Variants in LMNB2 observed in about 807,000 individuals in gnomAD.
LMNB2 encodes the protein lamin B2, also known as lamin-B2.
In LMNB2, 17 loss-of-function variants were observed where a neutral mutation model predicts 69.3. That is an observed-to-expected ratio of 0.25 (90% CI 0.17 to 0.37). LMNB2 has a LOEUF of 0.37. Ranked by LOEUF, LMNB2 falls within the 10% of genes least tolerant of loss-of-function variation. The pLI is 1.00. For missense variants in LMNB2, 789 were observed against 883.6 expected (o/e 0.89, Z 1.36); for synonymous variants, 397 against 389.3 (o/e 1.02, Z -0.23).
At chr19:2,449,701 C>T (rs1362845912) in intron 1 of LMNB2, among the ~76,000 whole-genome samples, 2 of 151,502 alleles carry the variant, frequency 1.3e-5, no homozygotes, top group South Asian at 2.1e-4. Flanking sequence ...CACTTGAACC[C>T]GGGAGGCAGA....
rs545711002 is a variant in LMNB2 at position 2,431,376 on chromosome 19, A to C, written c.1821+172T>G. On this transcript the variant is annotated intron_variant, in intron 11 of 11. Coordinates refer to ENST00000325327, the MANE Select transcript of LMNB2 (RefSeq NM_032737.4). ...CACGATGGGCACGACCCAGGAGGCA[A>C]GAACAGGTCTCTGCCGTGCTGGTAA... is the stretch of plus-strand genomic sequence containing the variant. Among the ~76,000 whole-genome samples the C allele has an allele frequency of 2.4e-4, 36 of 152,306 alleles. 1 individual carries two copies. In the South Asian group the frequency reaches 6.8e-3, roughly 29 times the overall value.
At chr19:2,455,861 TC>T (rs1343469552) in intron 1 of LMNB2, among the ~76,000 whole-genome samples, 3 of 149,914 alleles carry the variant, frequency 2.0e-5, no homozygotes, top group South Asian at 2.1e-4. Flanking sequence ...CTGCTCAGGG[TC>T]CCCCGTGATC....
At chr19:2,444,930 C>T (rs1971938201) in intron 1 of LMNB2, among the ~76,000 whole-genome samples, 1 of 152,242 alleles carries the variant, frequency 6.6e-6, no homozygotes, top group African/African-American at 2.4e-5. Context: ...TGTCCCCTTC[C>T]CCGGAGGACC....
intron 1 of LMNB2, 146 bp downstream of exon 1, chr19:2,456,524 G>A: frequency 1.2e-6 from 1 of 818,604 alleles, no homozygotes; most frequent in Non-Finnish European, 1.7e-6. Context: ...CCTCACTCAG[G>A]GGCCCCCCGA....
intron 4 of LMNB2, among the ~76,000 whole-genome samples, chr19:2,437,361 G>T (rs1000819232): frequency 1.3e-5 from 2 of 152,270 alleles, no homozygotes; most frequent in African/African-American, 4.8e-5. Context: ...GTGGGAGGCT[G>T]GACGGTGGCA....
intron 11 of LMNB2, 33 bp from the exon 12 acceptor site, chr19:2,430,985 A>G (rs1472638457): frequency 6.4e-7 from 1 of 1,552,054 alleles, no homozygotes; most frequent in South Asian, 1.1e-5. Flanking sequence ...GTCGGCCATG[A>G]TCAGGGCCAG....
chr19:2,431,697 G>A (rs1971742405), intron 10 of LMNB2, 39 bp from the exon 11 acceptor site: 2 of 1,613,906 alleles, frequency 1.2e-6, no homozygotes, highest in Non-Finnish European at 1.7e-6. Flanking sequence ...CCCGGGATCG[G>A]GCCCAGAGCT....
chr19:2,449,009 T>C (rs774413172), intron 1 of LMNB2, among the ~76,000 whole-genome samples: 7 of 152,188 alleles, frequency 4.6e-5, no homozygotes, highest in Non-Finnish European at 7.3e-5. Context: ...CTGTCTCAGC[T>C]GCCCCAATAG....
intron 6 of LMNB2, 29 bp downstream of exon 6, chr19:2,434,759 A>G: frequency 6.3e-7 from 1 of 1,586,622 alleles, no homozygotes; most frequent in Non-Finnish European, 8.6e-7. Flanking sequence ...GGCCAGGGGG[A>G]CGGCAGACGG....
chr19:2,434,859 G>T lies in LMNB2; in HGVS notation c.910C>A (p.Arg304Ser), dbSNP rs140495297. 2.5e-6 allele frequency: 4 copies of T among 1,608,096 alleles called. No individual in the cohort carries two copies. ...ATGCGGGCCTCCTTCAGCTCCTCGC[G>T]AGCCGCACTGGCCGCCTTGTCGTTC... The part of the protein sequence containing the change: ...DQNDKAASAA[R>S]EELKEARMRL... The change falls in exon 6 of 12, where the codon CGC becomes AGC. Residue 304 changes from arginine (R) to serine (S), a missense_variant. Physicochemically the swap from Arg to Ser is moderately radical, Grantham distance 110. This residue lies in a region of LMNB2 where 609 missense variants were observed against 630.9 expected (regional missense o/e 0.97). Coordinates refer to ENST00000325327, the MANE Select transcript of LMNB2 (RefSeq NM_032737.4).
At chr19:2,441,263 C>G (rs913960197) in intron 2 of LMNB2, among the ~76,000 whole-genome samples, 5 of 152,272 alleles carry the variant, frequency 3.3e-5, no homozygotes, top group Non-Finnish European at 5.9e-5. Context: ...CGGTTGTGTC[C>G]CGCCAGGGCA....
intron 2 of LMNB2, among the ~76,000 whole-genome samples, chr19:2,440,148 A>G (rs1214048882): frequency 1.3e-5 from 2 of 151,466 alleles, no homozygotes; most frequent in East Asian, 2.0e-4. Flanking sequence ...GTATTTATCT[A>G]TATAATCTAT....
intron 1 of LMNB2, among the ~76,000 whole-genome samples, chr19:2,455,829 C>G (rs1024434567): frequency 6.6e-6 from 1 of 151,406 alleles, no homozygotes; most frequent in Non-Finnish European, 1.5e-5. Flanking sequence ...TGGAGATCCC[C>G]GAGGCCAGGC....
At chr19:2,433,164 C>T (rs1599330752) in intron 8 of LMNB2, among the ~76,000 whole-genome samples, 2 of 113,636 alleles carry the variant, frequency 1.8e-5, no homozygotes, top group Admixed American at 8.5e-5. Context: ...TGGGTCACCC[C>T]GTTACCCCCA....
At chr19:2,440,472 G>C (rs1159604347) in intron 2 of LMNB2, among the ~76,000 whole-genome samples, 1 of 152,184 alleles carries the variant, frequency 6.6e-6, no homozygotes, top group Non-Finnish European at 1.5e-5. Flanking sequence ...TTACAGGCAT[G>C]AGCCACCGCA....
At chr19:2,449,421 C>T (rs1028798598) in intron 1 of LMNB2, among the ~76,000 whole-genome samples, 6 of 152,340 alleles carry the variant, frequency 3.9e-5, no homozygotes, top group South Asian at 2.1e-4. Flanking sequence ...TGTCACTAAA[C>T]GACACCTGAC....
At chr19:2,432,618 C>T in intron 8 of LMNB2, 95 bp from the exon 9 acceptor site, 2 of 986,604 alleles carry the variant, frequency 2.0e-6, no homozygotes, top group South Asian at 1.3e-5. Flanking sequence ...TGACCCTGGT[C>T]ACCCCCACCA....
Position 2,431,863 on chromosome 19 carries a change from A to T in LMNB2, c.1630T>A (p.Ser544Thr), listed in dbSNP as rs761642109. ...CTCTGGCCCTTCCACACCAGCGTCG[A>T]GGGGGGGCTGTGGGCCACCCCCGCA... The part of the protein sequence containing the change: ...AGAGVAHSPP[S>T]TLVWKGQSSW... The change falls in exon 10 of 12, where the codon TCG becomes ACG. Residue 544 changes from serine (S) to threonine (T), a missense_variant. Around this residue, in one of 3 missense-constraint regions of LMNB2, gnomAD observed 609 missense variants for 630.9 expected, o/e 0.97. Transcript: ENST00000325327. 15 of 1,612,910 alleles carry T rather than the reference A, an allele frequency of 9.3e-6. No homozygotes were observed. The highest frequency in any genetic ancestry group is 1.3e-5 in the Non-Finnish European group (15 of 1,179,878).
Position 2,447,525 on chromosome 19 carries a change from G to A in LMNB2, c.265-2985C>T, listed in dbSNP as rs190110856. On this transcript the variant is annotated intron_variant, in intron 1 of 11. Coordinates refer to ENST00000325327, the MANE Select transcript of LMNB2 (RefSeq NM_032737.4). The surrounding 1 kb of genome is among the most constrained non-coding windows in gnomAD (Gnocchi z 4.4). ...CACAGCTGTGGAGATATGAAAACGC[G>A]AAACCTACGGGTGAGCTGGGTGAAC... Among the ~76,000 whole-genome samples the A allele has an allele frequency of 1.4e-4, 22 of 152,300 alleles. No homozygotes were observed. The East Asian group carries it at 1.5e-3, about 11-fold the overall frequency.
Sources: gnomAD v4.1 joint callset for allele counts (sites outside exome capture counted in the v4.1 genomes callset) on GRCh38, gnomAD v4.1.1 for gene constraint, gnomAD v4.1.1 regional missense constraint, Gnocchi (gnomAD v3.1) non-coding constraint, MANE v1.5 for transcripts, NCBI Gene and HGNC (gene_info 2026-07-23, HGNC 2026-07-21) for gene names.